GARNL3: variants seen among roughly 807,000 people sequenced by gnomAD.
GARNL3 encodes the protein GTPase-activating Rap/Ran-GAP domain-like protein 3.
Under a neutral mutation model 125.0 loss-of-function variants are expected in GARNL3, and 63 were observed. The ratio of observed to expected loss-of-function variants is 0.50; its 90% CI spans 0.41 to 0.62. The LOEUF (loss-of-function observed/expected upper bound fraction) is 0.62, where lower values mean the gene tolerates loss of function less well. Among genes scored for constraint, GARNL3 ranks in the 20% least tolerant of loss-of-function variants. The pLI is 0.00. For missense variants in GARNL3, 994 were observed against 1,244.0 expected (o/e 0.80, Z 3.02); for synonymous variants, 439 against 457.5 (o/e 0.96, Z 0.52).
chr9:127,321,195 G>A (rs2065388163), intron 6 of GARNL3, among the ~76,000 whole-genome samples: 1 of 152,072 alleles, frequency 6.6e-6, no homozygotes, highest in African/African-American at 2.4e-5. Context: ...GTGCAATGGT[G>A]CGATCTCAGC....
At chr9:127,378,822 C>A (rs1832086327) in intron 22 of GARNL3, among the ~76,000 whole-genome samples, 1 of 152,180 alleles carries the variant, frequency 6.6e-6, no homozygotes, top group African/African-American at 2.4e-5. Flanking sequence ...ATAGCCCAGG[C>A]TGGAGTGCAG....
intron 7 of GARNL3, among the ~76,000 whole-genome samples, chr9:127,327,583 A>G (rs768769916): frequency 6.6e-6 from 1 of 152,034 alleles, no homozygotes; most frequent in Non-Finnish European, 1.5e-5. Context: ...TTTATTTTTT[A>G]AGAGAGGGTC....
chr9:127,373,982 G>A (rs1156438015), intron 22 of GARNL3, among the ~76,000 whole-genome samples: 1 of 152,100 alleles, frequency 6.6e-6, no homozygotes, highest in Non-Finnish European at 1.5e-5. Flanking sequence ...CTCCAGCCTG[G>A]GTGACAGAGT....
intron 1 of GARNL3, among the ~76,000 whole-genome samples, chr9:127,241,461 C>T (rs2131164578): frequency 6.6e-6 from 1 of 151,206 alleles, no homozygotes; most frequent in East Asian, 1.9e-4. Flanking sequence ...GTTTCTTGCG[C>T]TTTGTCATGA....
At chr9:127,289,853 G>A (rs1381739414) in intron 1 of GARNL3, among the ~76,000 whole-genome samples, 3 of 152,174 alleles carry the variant, frequency 2.0e-5, no homozygotes, top group Non-Finnish European at 4.4e-5. Flanking sequence ...GTAATGATCT[G>A]ATGTCATCAA....
intron 22 of GARNL3, 105 bp downstream of exon 22, chr9:127,365,471 C>T (rs1315394874): frequency 2.1e-6 from 2 of 934,262 alleles, no homozygotes; most frequent in African/African-American, 1.7e-5. Context: ...GTGTATCATT[C>T]CTGGGTTTGT....
intron 22 of GARNL3, among the ~76,000 whole-genome samples, chr9:127,377,662 C>G (rs1194336472): frequency 2.0e-5 from 3 of 151,786 alleles, no homozygotes; most frequent in African/African-American, 7.3e-5. Context: ...TGGCATGTGC[C>G]TGTAATCCCA....
chr9:127,371,513 A>G (rs935355488), intron 22 of GARNL3, among the ~76,000 whole-genome samples: 2 of 152,226 alleles, frequency 1.3e-5, no homozygotes, highest in African/African-American at 4.8e-5. Flanking sequence ...GCAGCTCACC[A>G]GTCTTGTTCT....
Position 127,280,466 on chromosome 9 carries a change from A to C in GARNL3, c.145-10702A>C, listed in dbSNP as rs2064074689. Among the ~76,000 whole-genome samples the C allele has an allele frequency of 6.6e-6, 1 of 152,340 alleles. No individual in the cohort carries two copies. Among genetic ancestry groups the C allele is most frequent in the Admixed American group, 6.5e-5 (1 of 15,300 alleles). Reference sequence around the variant, plus strand: ...TCTTCTGAAAGACCCAATGTCTCTTAGCTAAAATTAGATGGTGTGGGGAAG... The same window carrying C: ...TCTTCTGAAAGACCCAATGTCTCTTCGCTAAAATTAGATGGTGTGGGGAAG... On this transcript the variant is annotated intron_variant, in intron 1 of 27. Transcript: ENST00000373387. The surrounding 1 kb of genome is among the most constrained non-coding windows in gnomAD (Gnocchi z 4.5).
chr9:127,387,336 A>G lies in GARNL3; in HGVS notation c.2527+5A>G, dbSNP rs756455704. ...TTCCTTCTTCCCTGGGGGAAGGTGA[A>G]GTCCAAGTTTTACTGTTTTATTAAT... On this transcript the variant is annotated splice_donor_5th_base_variant and intron_variant, in intron 25 of 27. Coordinates refer to ENST00000373387, the MANE Select transcript of GARNL3 (RefSeq NM_032293.5). The G allele has an allele frequency of 8.7e-6, 14 of 1,607,560 alleles. No homozygotes were observed. The South Asian group carries it at 1.3e-4, about 15-fold the overall frequency.
At chr9:127,340,168 G>A (rs1027764838) in intron 13 of GARNL3, among the ~76,000 whole-genome samples, 1 of 152,170 alleles carries the variant, frequency 6.6e-6, no homozygotes, top group South Asian at 2.1e-4. Context: ...GCACACTTGC[G>A]TGAGTGTATA....
At chr9:127,258,804 G>T (rs1034327122), upstream of GARNL3, among the ~76,000 whole-genome samples, 2 of 152,162 alleles carry the variant, frequency 1.3e-5, no homozygotes, top group Non-Finnish European at 2.9e-5. Context: ...CTACAGTCTG[G>T]CACATGGTTT....
intron 1 of GARNL3, among the ~76,000 whole-genome samples, chr9:127,229,865 C>T (rs2062972526): frequency 1.3e-5 from 2 of 152,224 alleles, no homozygotes; most frequent in African/African-American, 4.8e-5. Flanking sequence ...ATCTTGTTGG[C>T]ATCAGGAGAA....
chr9:127,304,493 CA>C (rs1264484738), intron 2 of GARNL3, among the ~76,000 whole-genome samples: 1 of 149,170 alleles, frequency 6.7e-6, no homozygotes, highest in Non-Finnish European at 1.5e-5. Context: ...TTGTATCCAC[CA>C]AAAGACAGAC....
Position 127,370,111 on chromosome 9 carries a change from C to G in GARNL3, c.2161+4745C>G, listed in dbSNP as rs558471089. On this transcript the variant is annotated intron_variant, in intron 22 of 27. Coordinates refer to ENST00000373387, the MANE Select transcript of GARNL3 (RefSeq NM_032293.5). ...CTGTCAGATACACAACTGTAAGACA[C>G]TAAGATAACTGTTTTACAAGGCACA... 2.9e-4 allele frequency among the ~76,000 whole-genome samples: 44 copies of G among 152,328 alleles called. 1 individual carries two copies. Among genetic ancestry groups the G allele is most frequent in the Middle Eastern group, 3.4e-3 (1 of 294 alleles).
chr9:127,226,035 G>T (rs561427761), intron 1 of GARNL3, among the ~76,000 whole-genome samples: 1 of 152,300 alleles, frequency 6.6e-6, no homozygotes, highest in East Asian at 1.9e-4. Context: ...ATTTTCTCAG[G>T]TCTTGGAGAT....
chr9:127,233,961 A>G (rs1267332950), intron 1 of GARNL3, among the ~76,000 whole-genome samples: 1 of 151,728 alleles, frequency 6.6e-6, no homozygotes, highest in Non-Finnish European at 1.5e-5. Context: ...TTTTAATGTG[A>G]GCTTTTTTCA....
chr9:127,380,212 G>GTC (rs1366435608), intron 22 of GARNL3, among the ~76,000 whole-genome samples: 2 of 150,952 alleles, frequency 1.3e-5, no homozygotes, highest in African/African-American at 4.9e-5. Context: ...GTGTGTGTGT[G>GTC]TGTGTGTGTG....
chr9:127,338,246 C>A, intron 12 of GARNL3, 85 bp downstream of exon 12: 2 of 1,077,728 alleles, frequency 1.9e-6, no homozygotes, highest in Non-Finnish European at 2.9e-6. Flanking sequence ...TCTTGATATA[C>A]ATATTTCTTG....
Sources: gnomAD v4.1 joint callset for allele counts (sites outside exome capture counted in the v4.1 genomes callset) on GRCh38, gnomAD v4.1.1 for gene constraint, Gnocchi (gnomAD v3.1) non-coding constraint, MANE v1.5 for transcripts, NCBI Gene and HGNC (gene_info 2026-07-23, HGNC 2026-07-21) for gene names.